ZDHHC19: variants seen among roughly 807,000 people sequenced by gnomAD.
ZDHHC19 encodes palmitoyltransferase ZDHHC19.
A neutral mutation model predicts 33.9 loss-of-function variants in ZDHHC19; 30 were observed. The ratio of observed to expected loss-of-function variants is 0.88; its 90% CI spans 0.66 to 1.20. ZDHHC19 has a LOEUF of 1.20. ZDHHC19 is among the 50% of genes most tolerant of loss of function. ZDHHC19 has a pLI of 0.00. For missense variants in ZDHHC19, 364 were observed against 401.1 expected (o/e 0.91, Z 0.79); for synonymous variants, 178 against 167.6 (o/e 1.06, Z -0.48).
intron 5 of ZDHHC19, 113 bp from the exon 6 acceptor site, chr3:196,198,987 C>T: frequency 9.3e-7 from 1 of 1,076,240 alleles, no homozygotes; most frequent in Non-Finnish European, 1.4e-6. Context: ...CCCAGGGCAC[C>T]AGCAAGCTGG....
rs191503953 is a variant in ZDHHC19, at chr3:196,203,897, G to A, written c.687+3501C>T. Among the ~76,000 whole-genome samples the A allele has an allele frequency of 3.9e-5, 6 of 152,204 alleles. No individual in the cohort carries two copies. The highest frequency in any genetic ancestry group is 1.3e-4 in the Admixed American group (2 of 15,274). On this transcript the variant is annotated intron_variant, in intron 5 of 7. Transcript: ENST00000296326. The surrounding 1 kb of genome is among the most constrained non-coding windows in gnomAD (Gnocchi z 4.3). ...ATGGGAGGTGGTGGGCAGAGAGGGC[G>A]CCTGTGTCCTTCCAGCTGTCTGATA...
chr3:196,198,803 T>C lies in ZDHHC19; in HGVS notation c.759A>G (p.Ala253=), dbSNP rs1722008270. The change falls in exon 6 of 8, where the codon GCA becomes GCG. Residue 253 remains alanine (A), a synonymous_variant. Coordinates refer to ENST00000296326, the MANE Select transcript of ZDHHC19 (RefSeq NM_001039617.2). The part of the protein sequence containing the change: ...CASNWYLTIC[A]PLGPKYMAEA... ...TGCCAACTCACTTGGGTCCCAGTGGTGCACAAATTGTTAAATACCAGTTGC... is the reference window on the plus strand; with the variant it reads ...TGCCAACTCACTTGGGTCCCAGTGGCGCACAAATTGTTAAATACCAGTTGC... 6.2e-7 allele frequency: 1 copy of C among 1,614,052 alleles called. No homozygotes were observed. The highest frequency in any genetic ancestry group is 1.7e-5 in the Admixed American group (1 of 60,024).
At chr3:196,201,225 A>G (rs983798525) in intron 5 of ZDHHC19, among the ~76,000 whole-genome samples, 1 of 151,154 alleles carries the variant, frequency 6.6e-6, no homozygotes, top group Non-Finnish European at 1.5e-5. Flanking sequence ...GGCACCCACC[A>G]TCACGCCCAG....
rs748991643 is a variant in ZDHHC19, at chr3:196,209,409, A to G, written c.375T>C (p.Thr125=). The change falls in exon 3 of 8, where the codon ACT becomes ACC. Residue 125 remains threonine, a synonymous_variant. Coordinates refer to ENST00000296326, the MANE Select transcript of ZDHHC19 (RefSeq NM_001039617.2). Reference sequence around the variant, plus strand: ...AGATGTTGCACCAGGGGCAGTGGTAAGTCCGGGGCGGGCGGTGGAAGCAGC... The same window carrying G: ...AGATGTTGCACCAGGGGCAGTGGTAGGTCCGGGGCGGGCGGTGGAAGCAGC... ...PKCCFHRPPR[T]YHCPWCNICV... 1.2e-6 allele frequency: 2 copies of G among 1,606,954 alleles called. No individual in the cohort carries two copies. Among genetic ancestry groups the G allele is most frequent in the Non-Finnish European group, 8.5e-7 (1 of 1,177,146 alleles).
At chr3:196,210,557 C>G in intron 2 of ZDHHC19, 59 bp downstream of exon 2, 1 of 1,610,414 alleles carries the variant, frequency 6.2e-7, no homozygotes, top group Non-Finnish European at 8.5e-7. Context: ...TAGGAATCCC[C>G]CCTGCAGGTT....
chr3:196,206,681 T>G (rs1368698396), intron 5 of ZDHHC19, among the ~76,000 whole-genome samples: 1 of 7,848 alleles, frequency 1.3e-4, no homozygotes, highest in South Asian at 8.3e-3. Flanking sequence ...TTTCTTTTCT[T>G]TTTTTTTTTT....
At chr3:196,206,580 G>A (rs1411317954) in intron 5 of ZDHHC19, among the ~76,000 whole-genome samples, 1 of 151,884 alleles carries the variant, frequency 6.6e-6, no homozygotes, top group Non-Finnish European at 1.5e-5. Context: ...CTCAAACTCC[G>A]GGGCTCAAGT....
At chr3:196,210,858 C>T in intron 1 of ZDHHC19, 121 bp from the exon 2 acceptor site, 1 of 1,423,002 alleles carries the variant, frequency 7.0e-7, no homozygotes, top group Non-Finnish European at 9.3e-7. Flanking sequence ...ATCCAGGCTC[C>T]AAATACCCAG....
chr3:196,211,398 G>A lies in ZDHHC19; in HGVS notation c.-83C>T, dbSNP rs938704246. ...CCAGCTTCCAGAGCTCCATGGCCAC[G>A]GCAGCCTCAGAGCCGCAGCCCAGGG... On this transcript the variant is annotated 5_prime_UTR_variant, in exon 1 of 8. Transcript: ENST00000296326. 11 of 1,486,098 alleles carry A rather than the reference G, an allele frequency of 7.4e-6. No homozygotes were observed. The highest frequency in any genetic ancestry group is 2.8e-5 in the African/African-American group (2 of 71,130). The allele number at this position is 1,486,098 out of a possible 1,614,324, so 92.1% of individuals were successfully genotyped here.
In ZDHHC19 at chr3:196,198,884, G is replaced by A. The variant is rs183056274; in HGVS notation, c.688-10C>T. Reference sequence around the variant, plus strand: ...CCTGAAGGTGTCTGCACTGGTCGGGGATGGAAACCGGAAGAGGAGCTCAGA... The same window carrying A: ...CCTGAAGGTGTCTGCACTGGTCGGGAATGGAAACCGGAAGAGGAGCTCAGA... On this transcript the variant is annotated splice_polypyrimidine_tract_variant and intron_variant, in intron 5 of 7. Transcript: ENST00000296326. The A allele has an allele frequency of 1.9e-6, 3 of 1,613,246 alleles. No individual in the cohort carries two copies. In the African/African-American group the frequency reaches 4.0e-5, roughly 22 times the overall value.
intron 7 of ZDHHC19, 65 bp downstream of exon 7, chr3:196,198,211 C>T (rs1721946824): frequency 1.1e-5 from 15 of 1,387,388 alleles, no homozygotes; most frequent in Non-Finnish European, 1.3e-5. Flanking sequence ...CCCCCACACC[C>T]TCACAACCTG....
At chr3:196,204,555 G>A (rs1002895775) in intron 5 of ZDHHC19, among the ~76,000 whole-genome samples, 3 of 152,040 alleles carry the variant, frequency 2.0e-5, no homozygotes, top group African/African-American at 7.2e-5. Context: ...CAAAAGATTG[G>A]AACAGACACT....
chr3:196,208,621 C>T (rs1722976807), intron 3 of ZDHHC19, 61 bp from the exon 4 acceptor site: 1 of 1,567,724 alleles, frequency 6.4e-7, no homozygotes, highest in East Asian at 2.3e-5. Flanking sequence ...ATTCCATCAC[C>T]CCAAATCCTG....
At chr3:196,207,859 C>T (rs1463137515) in intron 4 of ZDHHC19, among the ~76,000 whole-genome samples, 1 of 131,870 alleles carries the variant, frequency 7.6e-6, no homozygotes, top group Non-Finnish European at 1.6e-5. Context: ...AGCCTGACTC[C>T]ACCCCGCTGT....
chr3:196,209,664 A>C, intron 2 of ZDHHC19, 149 bp from the exon 3 acceptor site: 21 of 1,074,694 alleles, frequency 2.0e-5, no homozygotes, highest in Non-Finnish European at 2.6e-5. Flanking sequence ...GTCCAAGCTC[A>C]GAGAGGATGG....
chr3:196,200,559 T>C (rs983184201), intron 5 of ZDHHC19, among the ~76,000 whole-genome samples: 1 of 149,602 alleles, frequency 6.7e-6, no homozygotes, highest in Admixed American at 6.6e-5. Context: ...TTTCACCGTG[T>C]TAGCCAGGAT....
intron 5 of ZDHHC19, among the ~76,000 whole-genome samples, chr3:196,201,355 C>T (rs1005633068): frequency 1.3e-5 from 2 of 151,508 alleles, no homozygotes; most frequent in Non-Finnish European, 1.5e-5. Context: ...CGTGAGCCAC[C>T]GCACCGGGCC....
chr3:196,210,782 G>GC, intron 1 of ZDHHC19, 45 bp from the exon 2 acceptor site: 2 of 1,600,186 alleles, frequency 1.2e-6, no homozygotes, highest in Non-Finnish European at 1.7e-6. Flanking sequence ...GCAGCCCAAA[G>GC]CCCCCGGCCC....
chr3:196,200,658 T>TC (rs959888036), intron 5 of ZDHHC19, among the ~76,000 whole-genome samples: 1 of 149,056 alleles, frequency 6.7e-6, no homozygotes, highest in Non-Finnish European at 1.5e-5. Context: ...CTGGCCTTTT[T>TC]TTTTTTTTTT....
Sources: allele counts gnomAD v4.1 joint callset (sites outside exome capture counted in the v4.1 genomes callset), GRCh38; gene constraint gnomAD v4.1.1; non-coding constraint Gnocchi (gnomAD v3.1); transcripts MANE v1.5; gene names NCBI Gene and HGNC (gene_info 2026-07-23, HGNC 2026-07-21).